CDH18: variants seen among roughly 807,000 people sequenced by gnomAD.
CDH18 encodes the protein cadherin 18.
In CDH18, 31 loss-of-function variants were observed where a neutral mutation model predicts 67.9. That is an observed-to-expected ratio of 0.46 (90% CI 0.34 to 0.62). CDH18 has a LOEUF of 0.62. Ranked by LOEUF, CDH18 falls within the 20% of genes least tolerant of loss-of-function variation. The probability of loss-of-function intolerance (pLI) is 0.01; values close to 1 mark genes in which losing one functional copy is unlikely to be tolerated. For synonymous variants in CDH18, 362 were observed against 347.2 expected (o/e 1.04, Z -0.48); for missense variants, 890 against 975.5 (o/e 0.91, Z 1.17).
chr5:20,327,638 ACT>A (rs1416400157), intron 1 of CDH18, among the ~76,000 whole-genome samples: 1 of 152,152 alleles, frequency 6.6e-6, no homozygotes, highest in Non-Finnish European at 1.5e-5. Flanking sequence ...AAGTGAAAAG[ACT>A]CTGAAAAATA....
At chr5:20,042,752 A>T (rs1740544046) in intron 2 of CDH18, among the ~76,000 whole-genome samples, 1 of 152,084 alleles carries the variant, frequency 6.6e-6, no homozygotes. Flanking sequence ...TCATGAGGTC[A>T]AGAGATCGAG....
intron 2 of CDH18, among the ~76,000 whole-genome samples, chr5:19,980,456 T>C (rs941445163): frequency 2.6e-5 from 4 of 152,156 alleles, no homozygotes. Flanking sequence ...ACTAAATATA[T>C]ATTGAATATG....
chr5:20,214,053 C>A (rs1003915895), intron 2 of CDH18, among the ~76,000 whole-genome samples: 7 of 151,914 alleles, frequency 4.6e-5, no homozygotes, highest in Admixed American at 4.6e-4. Context: ...AGCAGTCAAG[C>A]CAAGAGCCAA....
chr5:20,123,171 A>T (rs1468022123), intron 2 of CDH18, among the ~76,000 whole-genome samples: 1 of 152,008 alleles, frequency 6.6e-6, no homozygotes, highest in Non-Finnish European at 1.5e-5. Context: ...AGTGTCATAA[A>T]CTAGGGAAAT....
At chr5:20,168,968 C>T (rs1167048025) in intron 2 of CDH18, among the ~76,000 whole-genome samples, 1 of 151,844 alleles carries the variant, frequency 6.6e-6, no homozygotes, top group Non-Finnish European at 1.5e-5. Flanking sequence ...GGATGGTTAC[C>T]AGAGATTTGG....
intron 1 of CDH18, among the ~76,000 whole-genome samples, chr5:20,534,939 T>C (rs935021833): frequency 6.6e-6 from 1 of 152,020 alleles, no homozygotes; most frequent in Non-Finnish European, 1.5e-5. Flanking sequence ...ATTAACACTT[T>C]TGATATTTTT....
intron 3 of CDH18, among the ~76,000 whole-genome samples, chr5:19,826,666 T>C (rs1581527874): frequency 1.3e-5 from 2 of 152,316 alleles, no homozygotes; most frequent in South Asian, 4.1e-4. Flanking sequence ...TAAGGTTCTT[T>C]TCAGACAAGC....
At chr5:20,276,511 C>T (rs1039142842) in intron 1 of CDH18, among the ~76,000 whole-genome samples, 2 of 152,144 alleles carry the variant, frequency 1.3e-5, no homozygotes, top group African/African-American at 4.8e-5. Flanking sequence ...ATAAAGAACC[C>T]TTGAGCCCTG....
chr5:19,589,678 T>A (rs992449931), intron 7 of CDH18, among the ~76,000 whole-genome samples: 7 of 152,102 alleles, frequency 4.6e-5, no homozygotes, highest in African/African-American at 1.7e-4. Flanking sequence ...TTTTCTTACA[T>A]CTCTTCAATG....
At chr5:20,533,300 A>T (rs1651441) in intron 1 of CDH18, among the ~76,000 whole-genome samples, 60,556 of 151,880 alleles carry the variant, frequency 0.4, 13,508 homozygotes, top group East Asian at 0.56. Flanking sequence ...ATTAAAAGAC[A>T]GTACATTTCT....
chr5:19,667,909 T>C (rs1758189845), intron 5 of CDH18, among the ~76,000 whole-genome samples: 1 of 151,966 alleles, frequency 6.6e-6, no homozygotes, highest in South Asian at 2.1e-4. Flanking sequence ...AGGGATATTT[T>C]AGTTGTATTT....
chr5:19,943,480 C>T (rs900805383), intron 2 of CDH18, among the ~76,000 whole-genome samples: 5 of 152,040 alleles, frequency 3.3e-5, no homozygotes, highest in African/African-American at 1.2e-4. Flanking sequence ...GATATGAAAG[C>T]CATTGCAAGC....
chr5:20,430,024 T>C (rs1037587846), intron 1 of CDH18, among the ~76,000 whole-genome samples: 1 of 152,200 alleles, frequency 6.6e-6, no homozygotes, highest in Non-Finnish European at 1.5e-5. Context: ...TCTTGAAATA[T>C]AGATTACTTC....
intron 2 of CDH18, among the ~76,000 whole-genome samples, chr5:20,209,786 A>T (rs1333005035): frequency 6.7e-6 from 1 of 149,712 alleles, no homozygotes; most frequent in African/African-American, 2.5e-5. Flanking sequence ...AAATACAAAA[A>T]CTGAAGATAC....
chr5:20,077,850 A>G (rs998052349), intron 2 of CDH18, among the ~76,000 whole-genome samples: 2 of 152,196 alleles, frequency 1.3e-5, no homozygotes, highest in African/African-American at 4.8e-5. Context: ...AAAACAAAAC[A>G]AAAACTTTCA....
At chr5:20,290,830 A>T (rs555942709) in intron 1 of CDH18, among the ~76,000 whole-genome samples, 21 of 152,106 alleles carry the variant, frequency 1.4e-4, no homozygotes, top group Non-Finnish European at 2.8e-4. Flanking sequence ...GGTCCAGAAC[A>T]TTGTGGCATG....
chr5:20,271,503 A>C (rs1018077769), intron 1 of CDH18, among the ~76,000 whole-genome samples: 2 of 152,268 alleles, frequency 1.3e-5, no homozygotes, highest in South Asian at 2.1e-4. Context: ...ATTATTACAC[A>C]ATCTATATAT....
At chr5:19,797,737 C>G (rs750465375) in intron 3 of CDH18, among the ~76,000 whole-genome samples, 11 of 152,106 alleles carry the variant, frequency 7.2e-5, no homozygotes, top group Non-Finnish European at 1.6e-4. Context: ...ACACAACAGA[C>G]TAAAATGTCA....
intron 1 of CDH18, among the ~76,000 whole-genome samples, chr5:20,318,758 C>CT (rs1737700943): frequency 1.3e-5 from 2 of 152,038 alleles, no homozygotes; most frequent in East Asian, 1.9e-4. Context: ...AATCTCTTTT[C>CT]TTTTTTTAAA....
Sources: gnomAD v4.1 joint callset for allele counts (sites outside exome capture counted in the v4.1 genomes callset) on GRCh38, gnomAD v4.1.1 for gene constraint, MANE v1.5 for transcripts, NCBI Gene and HGNC (gene_info 2026-07-23, HGNC 2026-07-21) for gene names.